The following ERGIC1 variants were observed in gnomAD, a reference collection of about 807,000 sequenced individuals.
The protein encoded by ERGIC1 is endoplasmic reticulum-Golgi intermediate compartment protein 1.
ERGIC1 carries 19 observed loss-of-function variants against 38.3 expected under a neutral mutation model. The observed-to-expected ratio is 0.50, with a 90% confidence interval of 0.35 to 0.73. The LOEUF (loss-of-function observed/expected upper bound fraction) is 0.73. ERGIC1 is among the 30% of genes least tolerant of loss of function. The probability of loss-of-function intolerance (pLI) is 0.01; values close to 1 mark genes in which losing one functional copy is unlikely to be tolerated. For synonymous variants in ERGIC1, 124 were observed against 157.6 expected, an observed-to-expected ratio of 0.79 and a Z score of 1.60; for missense variants, 294 against 389.2, an observed-to-expected ratio of 0.76 and a Z score of 2.06.
rs944114290 is a variant in ERGIC1, at chr5:172,837,724, G to A, written c.20+3291G>A. ...GTTAAGGAAGGAGGCAGAACGCAGG[G>A]GAGGGAGGCTGAGCTTTCAATGATT... On this transcript the variant is annotated intron_variant, in intron 1 of 9. Coordinates refer to ENST00000393784, the MANE Select transcript of ERGIC1 (RefSeq NM_001031711.3). The surrounding 1 kb of genome is among the most constrained non-coding windows in gnomAD (Gnocchi z 4.3). Among the ~76,000 whole-genome samples, 6 of 152,238 alleles carry A rather than the reference G, an allele frequency of 3.9e-5. No homozygotes were observed. The highest frequency in any genetic ancestry group is 5.9e-5 in the Non-Finnish European group (4 of 68,040).
intron 1 of ERGIC1, among the ~76,000 whole-genome samples, chr5:172,868,818 C>T (rs1269251546): frequency 2.0e-5 from 3 of 152,130 alleles, no homozygotes; most frequent in Non-Finnish European, 4.4e-5. Flanking sequence ...TATGGGAAAT[C>T]GCTATCTTCT....
At chr5:172,912,101 G>A (rs533821498) in intron 4 of ERGIC1, among the ~76,000 whole-genome samples, 2 of 147,274 alleles carry the variant, frequency 1.4e-5, no homozygotes, top group African/African-American at 2.5e-5. Context: ...TCTAGCTAGT[G>A]TCTTGGAGCT....
intron 1 of ERGIC1, among the ~76,000 whole-genome samples, chr5:172,860,207 G>A (rs373603926): frequency 5.1e-4 from 77 of 152,318 alleles, no homozygotes; most frequent in African/African-American, 1.8e-3. Context: ...CGCTCAAGTG[G>A]GCTCATCAGT....
intron 1 of ERGIC1, among the ~76,000 whole-genome samples, chr5:172,861,633 C>T (rs750919579): frequency 5.3e-5 from 8 of 152,194 alleles, no homozygotes; most frequent in Admixed American, 1.3e-4. Context: ...TCAAGACACC[C>T]AGCACTGTGC....
Position 172,925,938 on chromosome 5 carries a change from G to A in ERGIC1, c.481-571G>A, listed in dbSNP as rs150040141. 2.0e-3 allele frequency among the ~76,000 whole-genome samples: 297 copies of A among 152,270 alleles called. 6 individuals are homozygous for A. In the East Asian group the frequency reaches 0.04, roughly 20 times the overall value. On this transcript the variant is annotated intron_variant, in intron 6 of 9. Coordinates refer to ENST00000393784, the MANE Select transcript of ERGIC1 (RefSeq NM_001031711.3). ...TCTACAGCAGCCCACCCCACTGCCC[G>A]GAGGAGGGTTTTCTTCACATCTGCT... is the stretch of plus-strand genomic sequence containing the variant.
At chr5:172,911,614 A>G (rs755093391) in intron 4 of ERGIC1, among the ~76,000 whole-genome samples, 11 of 152,066 alleles carry the variant, frequency 7.2e-5, no homozygotes, top group Non-Finnish European at 1.5e-4. Flanking sequence ...ACTTCTGGAA[A>G]ACACAGGGAA....
chr5:172,866,526 C>T (rs537521786), intron 1 of ERGIC1, among the ~76,000 whole-genome samples: 6 of 152,336 alleles, frequency 3.9e-5, no homozygotes, highest in East Asian at 3.9e-4. Flanking sequence ...CCTGCAGCTG[C>T]GTCACAGGGG....
chr5:172,903,265 G>A (rs973896227), intron 3 of ERGIC1, among the ~76,000 whole-genome samples: 1 of 152,202 alleles, frequency 6.6e-6, no homozygotes, highest in Non-Finnish European at 1.5e-5. Context: ...GGAGAGGCTT[G>A]TGGGACAGAC....
intron 1 of ERGIC1, among the ~76,000 whole-genome samples, chr5:172,865,203 C>T (rs182229556): frequency 4.6e-4 from 70 of 152,038 alleles, no homozygotes; most frequent in East Asian, 2.3e-3. Flanking sequence ...TACAGGCGCC[C>T]GCCACTATGC....
Position 172,952,518 on chromosome 5 carries a change from A to G in ERGIC1, c.*1702A>G, listed in dbSNP as rs1420309761. ...TGAAATTCTTTTATGCATTTTTTTG[A>G]AGAAAAAAAAAAAAACAACTCTGAG... On this transcript the variant is annotated 3_prime_UTR_variant, in exon 10 of 10. Transcript: ENST00000393784. 6 of 81,754 alleles carry G rather than the reference A, an allele frequency of 7.3e-5. No homozygotes were observed. The highest frequency in any genetic ancestry group is 9.3e-3 in the Middle Eastern group (2 of 214). 5.1% of individuals were successfully genotyped at this position (81,754 alleles called of 1,614,324 possible).
intron 1 of ERGIC1, among the ~76,000 whole-genome samples, chr5:172,840,101 T>G (rs1046337326): frequency 6.6e-6 from 1 of 152,236 alleles, no homozygotes; most frequent in Non-Finnish European, 1.5e-5. Context: ...GAAATGGTCT[T>G]TAAAGACCCT....
chr5:172,849,158 A>G (rs1761344892), intron 1 of ERGIC1, among the ~76,000 whole-genome samples: 1 of 152,374 alleles, frequency 6.6e-6, no homozygotes, highest in African/African-American at 2.4e-5. Flanking sequence ...CTGGCAAAGT[A>G]ACAAACCCAA....
In ERGIC1 at chr5:172,846,493, C is replaced by T. The variant is rs1044012645; in HGVS notation, c.20+12060C>T. On this transcript the variant is annotated intron_variant, in intron 1 of 9. Transcript: ENST00000393784. The surrounding 1 kb of genome is among the most constrained non-coding windows in gnomAD (Gnocchi z 4.0). ...GATCTCATTTCACCATCATTACACA[C>T]CTGCATGGTAGGAGGAACTGTCTTG... Among the ~76,000 whole-genome samples the T allele has an allele frequency of 6.6e-6, 1 of 152,160 alleles. No homozygotes were observed. Among genetic ancestry groups the T allele is most frequent in the Non-Finnish European group, 1.5e-5 (1 of 68,026 alleles).
At chr5:172,914,913 G>T in intron 5 of ERGIC1, 75 bp downstream of exon 5, 1 of 1,603,162 alleles carries the variant, frequency 6.2e-7, no homozygotes, top group African/African-American at 1.3e-5. Flanking sequence ...GAAACTGGTT[G>T]TGGAGGCACT....
At chr5:172,919,306 C>T (rs1472959275) in intron 5 of ERGIC1, among the ~76,000 whole-genome samples, 1 of 152,190 alleles carries the variant, frequency 6.6e-6, no homozygotes, top group Non-Finnish European at 1.5e-5. Context: ...ACGCACACCT[C>T]CTCACTGTGG....
chr5:172,914,929 G>A (rs369532528), intron 5 of ERGIC1, 91 bp downstream of exon 5: 38 of 1,574,850 alleles, frequency 2.4e-5, no homozygotes, highest in South Asian at 3.4e-5. Flanking sequence ...GCACTCACTC[G>A]ACCTGACCCT....
intron 3 of ERGIC1, chr5:172,905,380 C>T (rs1271478826): frequency 1.5e-5 from 7 of 457,912 alleles, no homozygotes; most frequent in South Asian, 7.9e-5. Flanking sequence ...GTAGGGAGGC[C>T]GATCCTCCTC....
intron 1 of ERGIC1, among the ~76,000 whole-genome samples, chr5:172,880,918 T>C (rs1484934013): frequency 1.3e-5 from 2 of 152,234 alleles, no homozygotes. Context: ...AGTTGGTTCC[T>C]CTCTTGCTTT....
At chr5:172,881,859 G>A (rs1343048490) in intron 1 of ERGIC1, among the ~76,000 whole-genome samples, 1 of 152,234 alleles carries the variant, frequency 6.6e-6, no homozygotes, top group African/African-American at 2.4e-5. Context: ...CTAGTATATA[G>A]CAGGTTTGCT....
Sources: allele counts gnomAD v4.1 joint callset (sites outside exome capture counted in the v4.1 genomes callset), GRCh38; gene constraint gnomAD v4.1.1; non-coding constraint Gnocchi (gnomAD v3.1); transcripts MANE v1.5; gene names NCBI Gene and HGNC (gene_info 2026-07-23, HGNC 2026-07-21).